Variants in FHIT observed in about 807,000 individuals in gnomAD.
FHIT encodes the protein bis(5'-adenosyl)-triphosphatase.
In FHIT, 19 loss-of-function variants were observed where a neutral mutation model predicts 17.9. The ratio of observed to expected loss-of-function variants is 1.06; its 90% CI spans 0.74 to 1.56. The LOEUF (loss-of-function observed/expected upper bound fraction) is 1.56. FHIT is among the 40% of genes most tolerant of loss of function. The pLI is 0.00. For synonymous variants in FHIT, 81 were observed against 69.7 expected (o/e 1.16, Z -0.81); for missense variants, 248 against 189.2 (o/e 1.31, Z -1.82).
At chr3:60,617,075 G>A (rs540703375) in intron 4 of FHIT, 2 of 218,066 alleles carry the variant, frequency 9.2e-6, no homozygotes, top group East Asian at 2.2e-4. Flanking sequence ...ACAGCCTGGA[G>A]TTTTTAACAG....
At chr3:60,521,029 G>A (rs766228943) in intron 5 of FHIT, among the ~76,000 whole-genome samples, 51 of 152,152 alleles carry the variant, frequency 3.4e-4, no homozygotes, top group Admixed American at 1.0e-3. Flanking sequence ...TAAATCCAGG[G>A]TGTTATTTTA....
At chr3:59,928,369 G>C (rs1423944960) in intron 7 of FHIT, among the ~76,000 whole-genome samples, 5 of 152,132 alleles carry the variant, frequency 3.3e-5, no homozygotes, top group African/African-American at 1.2e-4. Context: ...ATGTCATCAG[G>C]AGTCCTTAAA....
chr3:59,824,359 C>G (rs1339479186), intron 8 of FHIT, among the ~76,000 whole-genome samples: 1 of 152,226 alleles, frequency 6.6e-6, no homozygotes, highest in Non-Finnish European at 1.5e-5. Context: ...CATTGCGTAT[C>G]TTACATGCAC....
chr3:59,952,294 ATTAAGTTCACCAGGTATAAAACATAGG>A (rs1707156379), intron 7 of FHIT, among the ~76,000 whole-genome samples: 1 of 152,178 alleles, frequency 6.6e-6, no homozygotes, highest in Non-Finnish European at 1.5e-5. Context: ...CACACTGTGC[ATTAAGTTCACCAGGTATAAAACATAGG>A]TGGCCATTGC....
At chr3:60,101,080 G>A (rs115534374) in intron 5 of FHIT, among the ~76,000 whole-genome samples, 2,779 of 152,202 alleles carry the variant, frequency 0.018, 78 homozygotes, top group African/African-American at 0.063. Flanking sequence ...TTCTTACCTG[G>A]GGAACAGGGC....
rs1033182732 is a variant in FHIT, at chr3:61,050,340, G to C, written c.-163-8241C>G. Among the ~76,000 whole-genome samples the C allele has an allele frequency of 2.6e-5, 4 of 151,990 alleles. No homozygotes were observed. The East Asian group carries it at 7.7e-4, about 29-fold the overall frequency. On this transcript the variant is annotated intron_variant, in intron 2 of 9. Transcript: ENST00000492590. ...AAATCAAAGTTATTGAGAGGAAGGG[G>C]ATAAGAGGACTAATTAAAAAAAAGG...
Position 59,903,018 on chromosome 3 carries a change from A to G in FHIT, c.348+19328T>C, listed in dbSNP as rs140141360. Among the ~76,000 whole-genome samples the G allele has an allele frequency of 3.9e-3, 596 of 152,344 alleles. 2 individuals carry two copies. The highest frequency in any genetic ancestry group is 6.1e-3 in the Non-Finnish European group (414 of 68,016). Reference sequence around the variant, plus strand: ...TAATTAGCTTGGTTGTGGTAACCATATCACAATGTATACGTATGTTAAATC... The same window carrying G: ...TAATTAGCTTGGTTGTGGTAACCATGTCACAATGTATACGTATGTTAAATC... On this transcript the variant is annotated intron_variant, in intron 8 of 9. Transcript: ENST00000492590.
At chr3:59,820,950 A>G (rs1700765115) in intron 8 of FHIT, among the ~76,000 whole-genome samples, 1 of 152,210 alleles carries the variant, frequency 6.6e-6, no homozygotes, top group Admixed American at 6.5e-5. Context: ...ATTAACCAAG[A>G]TGAGTGTCAT....
chr3:60,283,000 G>A lies in FHIT; in HGVS notation c.103+253860C>T, dbSNP rs182213130. On this transcript the variant is annotated intron_variant, in intron 5 of 9. Transcript: ENST00000492590. ...GAGCTTAAACTGGAAAGACTAGAGAGCAGCTGGCTAGCTGTTTAGAGGTAA... is the reference window on the plus strand; with the variant it reads ...GAGCTTAAACTGGAAAGACTAGAGAACAGCTGGCTAGCTGTTTAGAGGTAA... Among the ~76,000 whole-genome samples, 33 of 152,218 alleles carry A rather than the reference G, an allele frequency of 2.2e-4. No individual in the cohort carries two copies. In the East Asian group the frequency reaches 6.0e-3, roughly 28 times the overall value.
At chr3:60,735,126 C>G in intron 4 of FHIT, among the ~76,000 whole-genome samples, 1 of 152,142 alleles carries the variant, frequency 6.6e-6, no homozygotes, top group Middle Eastern at 3.2e-3. Context: ...GTTGATTAAC[C>G]CTTCACTTGT....
At chr3:59,968,443 A>G (rs1331255534) in intron 7 of FHIT, among the ~76,000 whole-genome samples, 1 of 151,668 alleles carries the variant, frequency 6.6e-6, no homozygotes, top group East Asian at 1.9e-4. Flanking sequence ...AAACAAAAAC[A>G]AAAACAAAAA....
intron 5 of FHIT, among the ~76,000 whole-genome samples, chr3:60,233,924 C>T (rs1704629910): frequency 6.6e-6 from 1 of 152,152 alleles, no homozygotes; most frequent in African/African-American, 2.4e-5. Flanking sequence ...GCCTCCCCAA[C>T]CACGTGGAAC....
chr3:60,184,238 T>C (rs935840021), intron 5 of FHIT, among the ~76,000 whole-genome samples: 2 of 152,116 alleles, frequency 1.3e-5, no homozygotes, highest in Non-Finnish European at 1.5e-5. Flanking sequence ...GCCTGGCCTC[T>C]GAGACATTAC....
intron 2 of FHIT, among the ~76,000 whole-genome samples, chr3:61,160,441 T>C (rs1480833888): frequency 6.6e-6 from 1 of 152,196 alleles, no homozygotes; most frequent in African/African-American, 2.4e-5. Context: ...GACAAGGAAA[T>C]TAGAAAGCTC....
At chr3:61,116,290 G>A (rs1405332054) in intron 2 of FHIT, among the ~76,000 whole-genome samples, 1 of 152,070 alleles carries the variant, frequency 6.6e-6, no homozygotes, top group African/African-American at 2.4e-5. Context: ...ATATCATTAT[G>A]CTGCTTTTAA....
At chr3:60,827,943 T>C (rs1188347563) in intron 3 of FHIT, among the ~76,000 whole-genome samples, 1 of 152,216 alleles carries the variant, frequency 6.6e-6, no homozygotes, top group African/African-American at 2.4e-5. Flanking sequence ...ATAATTCTGT[T>C]CCTCCAGATT....
At chr3:61,057,526 G>GA (rs542110857) in intron 2 of FHIT, among the ~76,000 whole-genome samples, 27 of 149,792 alleles carry the variant, frequency 1.8e-4, no homozygotes, top group South Asian at 2.1e-4. Context: ...TCTTTGGTAG[G>GA]AAAAAAAAAA....
At chr3:60,354,294 C>A (rs1484484129) in intron 5 of FHIT, among the ~76,000 whole-genome samples, 1 of 152,070 alleles carries the variant, frequency 6.6e-6, no homozygotes, top group Non-Finnish European at 1.5e-5. Flanking sequence ...TAGTGACTTA[C>A]TTTATTATTC....
intron 3 of FHIT, among the ~76,000 whole-genome samples, chr3:60,973,244 G>A (rs1434875201): frequency 6.6e-6 from 1 of 152,136 alleles, no homozygotes; most frequent in African/African-American, 2.4e-5. Context: ...GTTGAGGCTG[G>A]TATATTTCCA....
Sources: gnomAD v4.1 joint callset for allele counts (sites outside exome capture counted in the v4.1 genomes callset) on GRCh38, gnomAD v4.1.1 for gene constraint, MANE v1.5 for transcripts, NCBI Gene and HGNC (gene_info 2026-07-23, HGNC 2026-07-21) for gene names.